The following GRID2 variants were observed in gnomAD, a reference collection of about 807,000 sequenced individuals.
The protein encoded by GRID2 is glutamate receptor ionotropic, delta-2.
GRID2 carries 33 observed loss-of-function variants against 114.8 expected under a neutral mutation model. The observed-to-expected ratio is 0.29, with a 90% confidence interval of 0.22 to 0.38. The LOEUF is 0.38. Ranked by LOEUF, GRID2 falls within the 10% of genes least tolerant of loss-of-function variation. GRID2 has a pLI of 1.00. For synonymous variants in GRID2, 505 were observed against 449.9 expected (o/e 1.12, Z -1.55); for missense variants, 1,184 against 1,257.7 (o/e 0.94, Z 0.89).
chr4:93,600,010 G>A (rs1379034643), intron 13 of GRID2, among the ~76,000 whole-genome samples: 1 of 152,154 alleles, frequency 6.6e-6, no homozygotes, highest in Non-Finnish European at 1.5e-5. Flanking sequence ...GCTGGAAAAA[G>A]CAACGGCTAG....
At chr4:92,870,122 G>A (rs1745165274) in intron 2 of GRID2, among the ~76,000 whole-genome samples, 1 of 151,896 alleles carries the variant, frequency 6.6e-6, no homozygotes, top group African/African-American at 2.4e-5. Context: ...GATTGCTTGA[G>A]CCCAGGAGCT....
intron 13 of GRID2, among the ~76,000 whole-genome samples, chr4:93,601,394 C>A (rs1210239316): frequency 6.6e-6 from 1 of 152,108 alleles, no homozygotes; most frequent in African/African-American, 2.4e-5. Flanking sequence ...CATTTTCATG[C>A]CTTATTCTTC....
intron 1 of GRID2, among the ~76,000 whole-genome samples, chr4:92,372,425 T>A (rs1729160494): frequency 6.6e-6 from 1 of 152,168 alleles, no homozygotes; most frequent in African/African-American, 2.4e-5. Context: ...CCCTGATCAA[T>A]CAGCAACCAT....
At chr4:93,034,679 A>T (rs1305273660) in intron 2 of GRID2, among the ~76,000 whole-genome samples, 1 of 152,178 alleles carries the variant, frequency 6.6e-6, no homozygotes, top group Non-Finnish European at 1.5e-5. Flanking sequence ...TTCCCTGGGC[A>T]AACTCTATTC....
At chr4:92,573,610 A>T (rs1158723041) in intron 1 of GRID2, among the ~76,000 whole-genome samples, 1 of 152,090 alleles carries the variant, frequency 6.6e-6, no homozygotes, top group Admixed American at 6.6e-5. Context: ...ATTTCCATGT[A>T]GTTGTATGGT....
intron 2 of GRID2, among the ~76,000 whole-genome samples, chr4:92,842,476 G>A (rs933455647): frequency 1.3e-5 from 2 of 152,084 alleles, no homozygotes; most frequent in African/African-American, 4.8e-5. Context: ...ACTGAAAAGG[G>A]AAAGTTTATA....
At chr4:93,260,955 A>G (rs964379962) in intron 8 of GRID2, among the ~76,000 whole-genome samples, 2 of 151,862 alleles carry the variant, frequency 1.3e-5, no homozygotes, top group African/African-American at 4.8e-5. Flanking sequence ...TCCAAGGCCT[A>G]ACAAGCACAT....
At chr4:93,060,194 TAGC>T (rs1727651873) in intron 2 of GRID2, among the ~76,000 whole-genome samples, 1 of 152,152 alleles carries the variant, frequency 6.6e-6, no homozygotes, top group South Asian at 2.1e-4. Context: ...TTAATGAGGT[TAGC>T]AGCAGCCTCT....
intron 2 of GRID2, among the ~76,000 whole-genome samples, chr4:93,035,138 C>T (rs1254774081): frequency 2.1e-5 from 3 of 142,110 alleles, no homozygotes; most frequent in Non-Finnish European, 4.5e-5. Context: ...CAGAGTCTTA[C>T]TCTGTCACCC....
intron 4 of GRID2, among the ~76,000 whole-genome samples, chr4:93,200,282 A>G (rs369299354): frequency 1.3e-5 from 2 of 152,324 alleles, no homozygotes; most frequent in South Asian, 2.1e-4. Flanking sequence ...AAAACATTAC[A>G]TAGGCCGGGT....
intron 1 of GRID2, among the ~76,000 whole-genome samples, chr4:92,540,369 T>C (rs577441684): frequency 6.6e-6 from 1 of 151,972 alleles, no homozygotes; most frequent in Non-Finnish European, 1.5e-5. Flanking sequence ...AACCTACAGA[T>C]TGGGAGAAAA....
intron 12 of GRID2, among the ~76,000 whole-genome samples, chr4:93,508,934 C>T (rs1262358456): frequency 1.3e-5 from 2 of 152,116 alleles, no homozygotes; most frequent in South Asian, 2.1e-4. Context: ...AAGACATGCA[C>T]CTGTGATACA....
chr4:93,095,323 T>G (rs1450778630), intron 3 of GRID2, among the ~76,000 whole-genome samples: 1 of 151,982 alleles, frequency 6.6e-6, no homozygotes, highest in Admixed American at 6.6e-5. Flanking sequence ...CCCCTCCTTG[T>G]GTCCATGTAT....
At chr4:93,664,850 A>C (rs563269630) in intron 14 of GRID2, among the ~76,000 whole-genome samples, 1 of 152,346 alleles carries the variant, frequency 6.6e-6, no homozygotes, top group South Asian at 2.1e-4. Context: ...TAGAGTTGTG[A>C]GAATTCAACA....
chr4:93,144,473 G>T (rs1296240992), intron 4 of GRID2, among the ~76,000 whole-genome samples: 1 of 152,164 alleles, frequency 6.6e-6, no homozygotes, highest in African/African-American at 2.4e-5. Flanking sequence ...AATAACTGCA[G>T]TCCATAAGGG....
At chr4:93,635,439 G>A (rs1721328454) in intron 14 of GRID2, among the ~76,000 whole-genome samples, 1 of 150,208 alleles carries the variant, frequency 6.7e-6, no homozygotes, top group Non-Finnish European at 1.5e-5. Flanking sequence ...TGCTTTAAAA[G>A]AATAACATTT....
At chr4:93,326,293 C>T (rs888163254) in intron 8 of GRID2, among the ~76,000 whole-genome samples, 3 of 152,086 alleles carry the variant, frequency 2.0e-5, no homozygotes, top group African/African-American at 7.2e-5. Flanking sequence ...TTGTTATTGC[C>T]CCACCACTGG....
chr4:93,127,960 A>G (rs1251945514), intron 4 of GRID2, among the ~76,000 whole-genome samples: 1 of 137,950 alleles, frequency 7.2e-6, no homozygotes, highest in Non-Finnish European at 1.5e-5. Flanking sequence ...GTTCAAGGTT[A>G]TAGTGAGCTA....
intron 8 of GRID2, among the ~76,000 whole-genome samples, chr4:93,245,126 T>C (rs575836087): frequency 1.6e-4 from 24 of 152,242 alleles, no homozygotes; most frequent in African/African-American, 5.3e-4. Context: ...TTATAATTTG[T>C]CTTTCCCATT....
Sources: gnomAD v4.1 joint callset for allele counts (sites outside exome capture counted in the v4.1 genomes callset) on GRCh38, gnomAD v4.1.1 for gene constraint, MANE v1.5 for transcripts, NCBI Gene and HGNC (gene_info 2026-07-23, HGNC 2026-07-21) for gene names.